Variants in PARD3B observed in about 807,000 individuals in gnomAD.
PARD3B encodes par-3 family cell polarity regulator beta.
Under a neutral mutation model 130.2 loss-of-function variants are expected in PARD3B, and 103 were observed. That is an observed-to-expected ratio of 0.79 (90% CI 0.67 to 0.93). The LOEUF (loss-of-function observed/expected upper bound fraction) is 0.93. PARD3B is among the 40% of genes least tolerant of loss of function. The pLI, the probability that PARD3B is intolerant of heterozygous loss-of-function variation, is 0.00. For synonymous variants in PARD3B, 583 were observed against 553.2 expected, an observed-to-expected ratio of 1.05 and a Z score of -0.76; for missense variants, 1,609 against 1,499.2, an observed-to-expected ratio of 1.07 and a Z score of -1.21.
At chr2:205,506,279 G>A (rs1479059944) in intron 21 of PARD3B, among the ~76,000 whole-genome samples, 2 of 152,214 alleles carry the variant, frequency 1.3e-5, no homozygotes, top group Non-Finnish European at 2.9e-5. Flanking sequence ...GTTGCAGTGA[G>A]CTGAGATCGC....
intron 1 of PARD3B, among the ~76,000 whole-genome samples, chr2:204,609,987 T>C (rs958639709): frequency 1.1e-4 from 17 of 152,112 alleles, no homozygotes; most frequent in East Asian, 5.8e-4. Context: ...TCCTTCAGGG[T>C]CTACATGTGA....
At chr2:205,383,074 G>C (rs1243126440) in intron 18 of PARD3B, among the ~76,000 whole-genome samples, 1 of 59,384 alleles carries the variant, frequency 1.7e-5, no homozygotes, top group Non-Finnish European at 5.2e-5. Context: ...ACAGAACCTG[G>C]AAAGTTTACA....
intron 2 of PARD3B, among the ~76,000 whole-genome samples, chr2:204,944,943 G>A (rs1689195188): frequency 6.6e-6 from 1 of 152,198 alleles, no homozygotes; most frequent in African/African-American, 2.4e-5. Flanking sequence ...GCATTTGTCA[G>A]ATAACTCAAA....
chr2:204,584,599 T>A (rs7565669), intron 1 of PARD3B, among the ~76,000 whole-genome samples: 1 of 152,182 alleles, frequency 6.6e-6, no homozygotes, highest in African/African-American at 2.4e-5. Flanking sequence ...GTAATAATTT[T>A]AAAAACATAA....
At chr2:205,192,554 A>T (rs977689541) in intron 14 of PARD3B, among the ~76,000 whole-genome samples, 8 of 152,210 alleles carry the variant, frequency 5.3e-5, no homozygotes, top group Admixed American at 4.6e-4. Context: ...CAGCAGAAGG[A>T]AAGTTATTTG....
intron 3 of PARD3B, among the ~76,000 whole-genome samples, chr2:205,008,612 T>A (rs1242182904): frequency 6.6e-6 from 1 of 152,200 alleles, no homozygotes; most frequent in Non-Finnish European, 1.5e-5. Context: ...GCTTTATGTA[T>A]CTCTAGACTA....
At chr2:205,260,977 G>A (rs1176062948) in intron 16 of PARD3B, among the ~76,000 whole-genome samples, 1 of 151,604 alleles carries the variant, frequency 6.6e-6, no homozygotes, top group Non-Finnish European at 1.5e-5. Flanking sequence ...CCTAGATTCA[G>A]CATTTACCTA....
intron 20 of PARD3B, among the ~76,000 whole-genome samples, chr2:205,465,224 TA>T (rs767017593): frequency 7.2e-5 from 11 of 152,230 alleles, no homozygotes; most frequent in Non-Finnish European, 1.6e-4. Flanking sequence ...TAACACTAAA[TA>T]GTGAGAATCC....
intron 2 of PARD3B, among the ~76,000 whole-genome samples, chr2:204,944,196 T>C (rs1235128147): frequency 6.6e-6 from 1 of 152,204 alleles, no homozygotes; most frequent in Admixed American, 6.5e-5. Context: ...GAAATGTGCA[T>C]GGGGAAAAGG....
rs1022558184 is a variant in PARD3B, at chr2:205,045,161, C to A, written c.395-2420C>A. 2.7e-5 allele frequency among the ~76,000 whole-genome samples: 4 copies of A among 148,654 alleles called. No homozygotes were observed. The East Asian group carries it at 7.9e-4, about 29-fold the overall frequency. ...AAATAGCTGATACACTGGTACAAAA[C>A]TGAATTGTCATCTTCTAGGATACAC... On this transcript the variant is annotated intron_variant, in intron 3 of 22. Transcript: ENST00000406610.
At chr2:205,370,016 G>A (rs781029249) in intron 18 of PARD3B, among the ~76,000 whole-genome samples, 15 of 152,154 alleles carry the variant, frequency 9.9e-5, no homozygotes, top group Non-Finnish European at 1.5e-4. Flanking sequence ...CTCCCTGCTG[G>A]ACTGCTCCCA....
rs575558554 is a variant in PARD3B at position 204,976,000 on chromosome 2, A to G, written c.394+10677A>G. On this transcript the variant is annotated intron_variant, in intron 3 of 22. Coordinates refer to ENST00000406610, the MANE Select transcript of PARD3B (RefSeq NM_001302769.2). ...CTGTTTTTAAAAAATAATGTTTAGC[A>G]TTTGTTTGATAGTTGCCACAAACTT... 3.3e-5 allele frequency among the ~76,000 whole-genome samples: 5 copies of G among 152,264 alleles called. No individual in the cohort carries two copies. In the South Asian group the frequency reaches 1.0e-3, roughly 32 times the overall value.
chr2:205,396,089 G>A lies in PARD3B; in HGVS notation c.2631-4924G>A, dbSNP rs368759642. 4.9e-4 allele frequency among the ~76,000 whole-genome samples: 74 copies of A among 152,160 alleles called. No homozygotes were observed. In the South Asian group the frequency reaches 6.9e-3, roughly 14 times the overall value. On this transcript the variant is annotated intron_variant, in intron 18 of 22. Transcript: ENST00000406610. Reference sequence around the variant, plus strand: ...CAAGCCTTCCCCACACATGTCCTTTGCATGTGCTGTTTCCTTCACCCTCAA... The same window carrying A: ...CAAGCCTTCCCCACACATGTCCTTTACATGTGCTGTTTCCTTCACCCTCAA...
At chr2:204,844,706 A>G (rs1214638112) in intron 2 of PARD3B, among the ~76,000 whole-genome samples, 1 of 152,184 alleles carries the variant, frequency 6.6e-6, no homozygotes, top group Non-Finnish European at 1.5e-5. Context: ...CAGCTGAGTT[A>G]CAGGCCTATT....
intron 2 of PARD3B, among the ~76,000 whole-genome samples, chr2:204,755,279 G>T (rs1212245664): frequency 6.6e-6 from 1 of 152,110 alleles, no homozygotes; most frequent in South Asian, 2.1e-4. Context: ...TGATTGGACT[G>T]ATGATCTACT....
At chr2:204,951,323 C>G (rs1256362236) in intron 2 of PARD3B, among the ~76,000 whole-genome samples, 5 of 152,172 alleles carry the variant, frequency 3.3e-5, no homozygotes, top group Non-Finnish European at 5.9e-5. Flanking sequence ...TGTCTGTCAA[C>G]TATTTCATAG....
At position 204,943,754 on chromosome 2, in the gene PARD3B, G is replaced by T. The variant is rs1218999243; in HGVS notation, c.223-21398G>T. On this transcript the variant is annotated intron_variant, in intron 2 of 22. Coordinates refer to ENST00000406610, the MANE Select transcript of PARD3B (RefSeq NM_001302769.2). The surrounding 1 kb of genome is among the most constrained non-coding windows in gnomAD (Gnocchi z 4.2). ...TCCATCCTCTCTTCCTTGAGGGAAA[G>T]TTCGCCTCTCCATTGCCATCCCTAC... 6.6e-6 allele frequency among the ~76,000 whole-genome samples: 1 copy of T among 152,172 alleles called. No individual in the cohort carries two copies. The highest frequency in any genetic ancestry group is 1.5e-5 in the Non-Finnish European group (1 of 68,024).
intron 1 of PARD3B, among the ~76,000 whole-genome samples, chr2:204,658,811 G>A (rs373585073): frequency 6.6e-6 from 1 of 151,870 alleles, no homozygotes; most frequent in African/African-American, 2.4e-5. Flanking sequence ...TTATTTCCAG[G>A]GTACAATCTG....
At chr2:205,490,170 A>T (rs182984033) in intron 20 of PARD3B, among the ~76,000 whole-genome samples, 63 of 152,112 alleles carry the variant, frequency 4.1e-4, no homozygotes, top group African/African-American at 1.4e-3. Context: ...CGTGCAGGTT[A>T]GTTACATATG....
Sources: gnomAD v4.1 joint callset for allele counts (sites outside exome capture counted in the v4.1 genomes callset) on GRCh38, gnomAD v4.1.1 for gene constraint, Gnocchi (gnomAD v3.1) non-coding constraint, MANE v1.5 for transcripts, NCBI Gene and HGNC (gene_info 2026-07-23, HGNC 2026-07-21) for gene names.